NPHP4: variants seen among roughly 807,000 people sequenced by gnomAD.
NPHP4 encodes nephrocystin-4.
A neutral mutation model predicts 155.8 loss-of-function variants in NPHP4; 151 were observed. The observed-to-expected ratio is 0.97, with a 90% CI of 0.85 to 1.11. The LOEUF (loss-of-function observed/expected upper bound fraction) is 1.11. NPHP4 is among the 50% of genes least tolerant of loss of function. NPHP4 has a pLI of 0.00. For missense variants in NPHP4, 1,956 were observed against 1,925.7 expected, an observed-to-expected ratio of 1.02 and a Z score of -0.29; for synonymous variants, 845 against 816.8, an observed-to-expected ratio of 1.03 and a Z score of -0.59.
intron 11 of NPHP4, among the ~76,000 whole-genome samples, chr1:5,914,286 A>AAAAAAAAAAAAAAGG (rs70977991): frequency 7.1e-6 from 1 of 139,874 alleles, no homozygotes; most frequent in African/African-American, 3.0e-5. Flanking sequence ...AAAAAAAAAA[A>AAAAAAAAAAAAAAGG]GGCCTGGTGT....
intron 23 of NPHP4, among the ~76,000 whole-genome samples, chr1:5,870,536 A>G (rs1406800589): frequency 6.6e-6 from 1 of 152,190 alleles, no homozygotes; most frequent in Non-Finnish European, 1.5e-5. Context: ...CTAGTGCGTC[A>G]AAGTCTGATG....
Position 5,867,734 on chromosome 1 carries a change from A to C in NPHP4, c.3472+6T>G. 1 of 1,608,502 alleles carries C rather than the reference A, an allele frequency of 6.2e-7. No individual in the cohort carries two copies. Among genetic ancestry groups the C allele is most frequent in the Non-Finnish European group, 8.5e-7 (1 of 1,179,742 alleles). Reference sequence around the variant, plus strand: ...ATGTGGGCTGCAGGGTCAGTGCAGGACCTGCCTGGAAATGTGTGCCAGGGC... The same window carrying C: ...ATGTGGGCTGCAGGGTCAGTGCAGGCCCTGCCTGGAAATGTGTGCCAGGGC... On this transcript the variant is annotated splice_donor_region_variant and intron_variant, in intron 24 of 29. Transcript: ENST00000378156. The surrounding 1 kb of genome is among the most constrained non-coding windows in gnomAD (Gnocchi z 4.1).
chr1:5,968,242 T>C (rs1463373621), intron 4 of NPHP4, among the ~76,000 whole-genome samples: 1 of 151,966 alleles, frequency 6.6e-6, no homozygotes, highest in East Asian at 1.9e-4. Flanking sequence ...CTACCTCAAA[T>C]CCATCACTGG....
At chr1:5,917,163 C>T (rs1645517050) in intron 11 of NPHP4, among the ~76,000 whole-genome samples, 1 of 152,110 alleles carries the variant, frequency 6.6e-6, no homozygotes, top group Non-Finnish European at 1.5e-5. Flanking sequence ...CTTAACCATA[C>T]AGTCAGGGGT....
intron 18 of NPHP4, chr1:5,881,123 T>C (rs4845828): frequency 0.83 from 126,934 of 152,190 alleles, 53,189 homozygotes; most frequent in African/African-American, 0.93. Context: ...CCCTCAGCCC[T>C]AGGGGAGGGA....
chr1:5,933,508 T>C (rs991050966), intron 9 of NPHP4, among the ~76,000 whole-genome samples, 179 bp from the exon 10 acceptor site: 1 of 152,202 alleles, frequency 6.6e-6, no homozygotes, highest in African/African-American at 2.4e-5. Context: ...GCATCCACAG[T>C]GCAGACAGTA....
intron 11 of NPHP4, among the ~76,000 whole-genome samples, chr1:5,917,340 C>G (rs568626330): frequency 2.6e-5 from 4 of 152,206 alleles, no homozygotes; most frequent in African/African-American, 9.6e-5. Context: ...CTGGGAGCTC[C>G]TGGGCTCACC....
intron 1 of NPHP4, chr1:5,991,653 G>A (rs12117908): frequency 0.041 from 6,227 of 152,332 alleles, 183 homozygotes; most frequent in African/African-American, 0.086. Flanking sequence ...CGGCCGGGAG[G>A]TTCCAAGGCA....
intron 9 of NPHP4, among the ~76,000 whole-genome samples, chr1:5,934,526 C>T (rs112953333): frequency 3.9e-5 from 6 of 152,282 alleles, no homozygotes; most frequent in African/African-American, 1.4e-4. Context: ...CAGTGCTCCA[C>T]TTGCTACGGC....
At chr1:5,880,424 C>G (rs148254344) in intron 18 of NPHP4, 185 bp from the exon 19 acceptor site, 70 of 592,568 alleles carry the variant, frequency 1.2e-4, no homozygotes, top group African/African-American at 8.7e-4. Flanking sequence ...CGTTCTGCTG[C>G]GAACTTTCAG....
At chr1:5,919,815 C>A (rs1645650159) in intron 11 of NPHP4, among the ~76,000 whole-genome samples, 1 of 152,014 alleles carries the variant, frequency 6.6e-6, no homozygotes, top group African/African-American at 2.4e-5. Context: ...TCATAGTTCA[C>A]TGCAGCCTCG....
chr1:5,907,124 CG>C lies in NPHP4; in HGVS notation c.1601del (p.Pro534ArgfsTer20). The C allele has an allele frequency of 2.0e-6, 3 of 1,534,268 alleles. No homozygotes were observed. Among genetic ancestry groups the C allele is most frequent in the East Asian group, 2.4e-5 (1 of 40,834 alleles). ...GGTGGGCGGCACTTACTGCCTGGGCCGGGGAGGCCTGAGAGCCATGGGGTAG... is the reference window on the plus strand; with the variant it reads ...GGTGGGCGGCACTTACTGCCTGGGCCGGGAGGCCTGAGAGCCATGGGGTAG... Reference protein sequence around the residue: ...SQLPHGSQASPAQAQEFPLEA... With the variant: ...SQLPHGSQASXAQAQEFPLEA... On this transcript the variant is annotated frameshift_variant, in exon 13 of 30. Coordinates refer to ENST00000378156, the MANE Select transcript of NPHP4 (RefSeq NM_015102.5). LOFTEE classifies it high-confidence loss of function.
intron 16 of NPHP4, among the ~76,000 whole-genome samples, chr1:5,895,621 G>A (rs1390101212): frequency 6.6e-6 from 1 of 152,232 alleles, no homozygotes; most frequent in Non-Finnish European, 1.5e-5. Context: ...GAAACCAGCA[G>A]CCCCACGGAT....
intron 10 of NPHP4, among the ~76,000 whole-genome samples, chr1:5,928,855 G>C (rs1332366767): frequency 2.6e-5 from 4 of 152,150 alleles, no homozygotes; most frequent in Non-Finnish European, 5.9e-5. Flanking sequence ...AAAATCTCTA[G>C]ATCAATCTTG....
chr1:5,912,375 A>G (rs1205159350), intron 11 of NPHP4, among the ~76,000 whole-genome samples: 27 of 152,062 alleles, frequency 1.8e-4, no homozygotes, highest in Admixed American at 1.8e-3. Context: ...CATCTCTACT[A>G]AAAATACAAA....
chr1:5,946,122 G>A (rs565433870), intron 9 of NPHP4, among the ~76,000 whole-genome samples: 105 of 152,342 alleles, frequency 6.9e-4, no homozygotes, highest in South Asian at 3.7e-3. Context: ...AACCTAGTAT[G>A]TACCGTGTAG....
In NPHP4 at chr1:5,978,831, A is replaced by G. The variant is rs1448887168; in HGVS notation, c.136-418T>C. Among the ~76,000 whole-genome samples, 24 of 152,188 alleles carry G rather than the reference A, an allele frequency of 1.6e-4. 1 individual carries two copies. The highest frequency in any genetic ancestry group is 1.6e-3 in the Admixed American group (24 of 15,272). ...TTATGCTGGCTGTGGATTTGCTGTG[A>G]GTCAACAAATCGCCTCTCACGTAAA... On this transcript the variant is annotated intron_variant, in intron 2 of 29. Transcript: ENST00000378156.
intron 6 of NPHP4, among the ~76,000 whole-genome samples, chr1:5,953,650 C>T (rs889022631): frequency 2.6e-5 from 4 of 152,226 alleles, no homozygotes; most frequent in Non-Finnish European, 5.9e-5. Context: ...AAAAGGGTCC[C>T]ATCCAGAGGA....
intron 12 of NPHP4, among the ~76,000 whole-genome samples, chr1:5,907,648 C>T (rs138733094): frequency 3.7e-4 from 57 of 152,318 alleles, no homozygotes; most frequent in Middle Eastern, 3.4e-3. Flanking sequence ...ATCTTGATGG[C>T]CAGCGCGGGC....
Sources: allele counts gnomAD v4.1 joint callset (sites outside exome capture counted in the v4.1 genomes callset), GRCh38; gene constraint gnomAD v4.1.1; non-coding constraint Gnocchi (gnomAD v3.1); transcripts MANE v1.5; gene names NCBI Gene and HGNC (gene_info 2026-07-23, HGNC 2026-07-21).